RPS6KA5: variants seen among roughly 807,000 people sequenced by gnomAD.
The protein encoded by RPS6KA5 is ribosomal protein S6 kinase A5.
A neutral mutation model predicts 85.5 loss-of-function variants in RPS6KA5; 27 were observed. The ratio of observed to expected loss-of-function variants is 0.32; its 90% CI spans 0.23 to 0.44. RPS6KA5 has a LOEUF of 0.44. Among genes scored for constraint, RPS6KA5 ranks in the 20% least tolerant of loss-of-function variants. The pLI, the probability that RPS6KA5 is intolerant of heterozygous loss-of-function variation, is 1.00. For missense variants in RPS6KA5, 811 were observed against 980.9 expected (o/e 0.83, Z 2.31); for synonymous variants, 334 against 348.2 (o/e 0.96, Z 0.46).
chr14:90,859,027 T>A lies in RPS6KA5; in HGVS notation c.*13047A>T, dbSNP rs2032414340. 6.6e-6 allele frequency: 1 copy of A among 152,172 alleles called. No homozygotes were observed. The highest frequency in any genetic ancestry group is 2.1e-4 in the South Asian group (1 of 4,832). 9.4% of individuals were successfully genotyped at this position (152,172 alleles called of 1,614,324 possible). On this transcript the variant is annotated 3_prime_UTR_variant, in exon 17 of 17. Transcript: ENST00000614987. The stretch of plus-strand genomic sequence containing the variant: ...CAGCAAAAAGCAGCAGATGAGAGGC[T>A]AACGAGCTGAGCAGCTCTTAGTACT...
At chr14:91,001,246 T>C (rs1383959232) in intron 1 of RPS6KA5, 87 bp from the exon 2 acceptor site, 9 of 770,612 alleles carry the variant, frequency 1.2e-5, no homozygotes, top group South Asian at 1.0e-4. Flanking sequence ...AGCGACGCTC[T>C]ATTTCTTGAC....
chr14:90,900,762 A>AG (rs2035120994), intron 9 of RPS6KA5, 26 bp from the exon 10 acceptor site: 1 of 1,584,838 alleles, frequency 6.3e-7, no homozygotes, highest in African/African-American at 1.4e-5. Flanking sequence ...AGAAAGATAA[A>AG]GAAAAACAAC....
chr14:90,978,072 A>G (rs1257256899), intron 3 of RPS6KA5, among the ~76,000 whole-genome samples: 1 of 152,146 alleles, frequency 6.6e-6, no homozygotes, highest in Admixed American at 6.5e-5. Context: ...GAAAAGAAAA[A>G]AAGACTAAGA....
At chr14:90,890,390 T>C in intron 14 of RPS6KA5, 97 bp downstream of exon 14, 1 of 1,124,798 alleles carries the variant, frequency 8.9e-7, no homozygotes. Context: ...ACTTTGCCAA[T>C]TTTTTCATGA....
intron 12 of RPS6KA5, among the ~76,000 whole-genome samples, chr14:90,898,811 C>T (rs1022035281): frequency 1.3e-5 from 2 of 152,214 alleles, no homozygotes; most frequent in African/African-American, 2.4e-5. Flanking sequence ...GCAGCATGAT[C>T]TGGCCAGGGT....
intron 6 of RPS6KA5, among the ~76,000 whole-genome samples, chr14:90,921,656 T>C (rs924360799): frequency 6.6e-6 from 1 of 152,214 alleles, no homozygotes; most frequent in African/African-American, 2.4e-5. Flanking sequence ...GAAACCACAT[T>C]ATTCAACTGA....
intron 1 of RPS6KA5, among the ~76,000 whole-genome samples, chr14:91,004,171 C>T (rs978833743): frequency 3.3e-5 from 5 of 152,112 alleles, no homozygotes; most frequent in African/African-American, 9.7e-5. Flanking sequence ...CTGCAAGCTC[C>T]GCCTCCCGGG....
chr14:90,856,585 A>ACTCCTG lies in RPS6KA5; in HGVS notation c.*15483_*15488dup, dbSNP rs1177830182. ...TCCCTTTTGGTCAGGCTGTTCTCCA[A>ACTCCTG]CTCCTGACCTCAGGTGATCCACCCG... On this transcript the variant is annotated 3_prime_UTR_variant, in exon 17 of 17. Transcript: ENST00000614987. 6.6e-6 allele frequency: 1 copy of ACTCCTG among 151,618 alleles called. No homozygotes were observed. The highest frequency in any genetic ancestry group is 2.4e-5 in the African/African-American group (1 of 41,196). The allele number at this position is 151,618 out of a possible 1,614,324, so 9.4% of individuals were successfully genotyped here. A position where few individuals can be genotyped will look rare whatever the true frequency, so the allele number is the denominator to read the frequency against.
chr14:90,918,174 T>C (rs7150710), intron 7 of RPS6KA5, among the ~76,000 whole-genome samples: 12,205 of 152,262 alleles, frequency 0.08, 905 homozygotes, highest in African/African-American at 0.2. Context: ...CCAGTTCCTC[T>C]AAGTCTTTAT....
intron 6 of RPS6KA5, among the ~76,000 whole-genome samples, chr14:90,920,872 G>T (rs1255013506): frequency 2.0e-5 from 3 of 151,880 alleles, no homozygotes; most frequent in Non-Finnish European, 4.4e-5. Flanking sequence ...TGAGAACATA[G>T]AAAATTATAT....
chr14:91,012,450 A>G (rs2041300261), intron 1 of RPS6KA5, among the ~76,000 whole-genome samples: 1 of 152,160 alleles, frequency 6.6e-6, no homozygotes, highest in Admixed American at 6.5e-5. Context: ...AGCTACTCTC[A>G]TTTTTATATG....
rs2032529890 is a variant in RPS6KA5, at chr14:90,861,208, T to C, written c.*10866A>G. On this transcript the variant is annotated 3_prime_UTR_variant, in exon 17 of 17. Transcript: ENST00000614987. Reference sequence around the variant, plus strand: ...GTGCCCAGCCAGAGTCTTTAAAATATATAGTAGTAGTACTACTAATAAAAA... The same window carrying C: ...GTGCCCAGCCAGAGTCTTTAAAATACATAGTAGTAGTACTACTAATAAAAA... The C allele has an allele frequency of 2.7e-5, 4 of 150,894 alleles. No individual in the cohort carries two copies. The highest frequency in any genetic ancestry group is 7.3e-5 in the African/African-American group (3 of 41,138). 9.3% of individuals were successfully genotyped at this position (150,894 alleles called of 1,614,324 possible).
intron 3 of RPS6KA5, among the ~76,000 whole-genome samples, 180 bp downstream of exon 3, chr14:90,978,126 T>C (rs1029502281): frequency 4.6e-5 from 7 of 152,108 alleles, no homozygotes; most frequent in African/African-American, 1.7e-4. Flanking sequence ...CATAATGGCA[T>C]AATGGGAGGC....
intron 1 of RPS6KA5, among the ~76,000 whole-genome samples, chr14:91,042,564 C>T (rs563214293): frequency 2.0e-5 from 3 of 152,144 alleles, no homozygotes; most frequent in Admixed American, 1.3e-4. Flanking sequence ...AACAATGATG[C>T]TATTTTTCTC....
intron 14 of RPS6KA5, among the ~76,000 whole-genome samples, chr14:90,878,284 T>G (rs879238840): frequency 4.6e-5 from 7 of 152,214 alleles, no homozygotes; most frequent in Non-Finnish European, 8.8e-5. Context: ...TGATAGAGAC[T>G]GTACTGTGGT....
chr14:91,007,701 A>G lies in RPS6KA5; in HGVS notation c.104-6542T>C, dbSNP rs186912352. ...TTTCTCCACATTCTGTCCAATACTTACTATTTTGTTTTTTTTTTTGGTAGT... is the reference window on the plus strand; with the variant it reads ...TTTCTCCACATTCTGTCCAATACTTGCTATTTTGTTTTTTTTTTTGGTAGT... On this transcript the variant is annotated intron_variant, in intron 1 of 16. Coordinates refer to ENST00000614987, the MANE Select transcript of RPS6KA5 (RefSeq NM_004755.4). Among the ~76,000 whole-genome samples, 802 of 129,252 alleles carry G rather than the reference A, an allele frequency of 6.2e-3. 11 individuals are homozygous for G. Among genetic ancestry groups the G allele is most frequent in the African/African-American group, 0.021 (752 of 36,438 alleles). 84.8% of individuals were successfully genotyped at this position (129,252 alleles called of 152,430 possible). A position where few individuals can be genotyped will look rare whatever the true frequency, so the allele number is the denominator to read the frequency against.
chr14:91,052,861 T>C (rs1377010138), intron 1 of RPS6KA5, among the ~76,000 whole-genome samples: 1 of 149,872 alleles, frequency 6.7e-6, no homozygotes, highest in Middle Eastern at 3.2e-3. Flanking sequence ...AAAAGCTCTT[T>C]AGTTGGTGAC....
intron 1 of RPS6KA5, among the ~76,000 whole-genome samples, chr14:91,034,047 T>C (rs2042299388): frequency 6.6e-6 from 1 of 152,110 alleles, no homozygotes. Flanking sequence ...GGTTCATGCC[T>C]GTATTCTCAA....
chr14:90,900,487 C>G (rs940691588), intron 10 of RPS6KA5, 124 bp downstream of exon 10: 13 of 940,350 alleles, frequency 1.4e-5, no homozygotes, highest in Admixed American at 6.2e-5. Context: ...GAAAATATTG[C>G]TATATCCCAC....
Sources: gnomAD v4.1 joint callset for allele counts (sites outside exome capture counted in the v4.1 genomes callset) on GRCh38, gnomAD v4.1.1 for gene constraint, MANE v1.5 for transcripts, NCBI Gene and HGNC (gene_info 2026-07-23, HGNC 2026-07-21) for gene names.